The following CNBD1 variants were observed in gnomAD, a reference collection of about 807,000 sequenced individuals.
CNBD1 encodes the protein cyclic nucleotide binding domain containing 1.
Under a neutral mutation model 54.4 loss-of-function variants are expected in CNBD1, and 71 were observed. The observed-to-expected ratio is 1.30, with a 90% CI of 1.08 to 1.59. The LOEUF is 1.59. Ranked by LOEUF, CNBD1 falls within the 40% of genes most tolerant of loss-of-function variation. The pLI is 0.00. For missense variants in CNBD1, 659 were observed against 518.0 expected, an observed-to-expected ratio of 1.27 and a Z score of -2.64; for synonymous variants, 182 against 170.7, an observed-to-expected ratio of 1.07 and a Z score of -0.51.
At chr8:87,284,351 TATA>T (rs1808652043) in intron 6 of CNBD1, among the ~76,000 whole-genome samples, 1 of 152,136 alleles carries the variant, frequency 6.6e-6, no homozygotes, top group Non-Finnish European at 1.5e-5. Context: ...GAAGATCATA[TATA>T]TAAGTGTACA....
intron 4 of CNBD1, among the ~76,000 whole-genome samples, chr8:87,025,921 G>T (rs1809635279): frequency 6.6e-6 from 1 of 152,168 alleles, no homozygotes; most frequent in Admixed American, 6.5e-5. Context: ...TGAGGATGGA[G>T]GAAAGGGAAA....
intron 4 of CNBD1, among the ~76,000 whole-genome samples, chr8:87,108,912 C>T (rs1406838120): frequency 2.6e-5 from 4 of 152,054 alleles, no homozygotes; most frequent in Non-Finnish European, 4.4e-5. Flanking sequence ...TCTACTAGAA[C>T]AAAATGTAGT....
intron 10 of CNBD1, among the ~76,000 whole-genome samples, chr8:87,375,565 C>T (rs1463981104): frequency 6.6e-6 from 1 of 151,774 alleles, no homozygotes; most frequent in East Asian, 1.9e-4. Context: ...TTAGGTATCA[C>T]ACAGATTCTA....
At chr8:86,965,251 A>T (rs906851535) in intron 4 of CNBD1, among the ~76,000 whole-genome samples, 2 of 152,178 alleles carry the variant, frequency 1.3e-5, no homozygotes, top group African/African-American at 4.8e-5. Flanking sequence ...AATAGGAAAG[A>T]CTAAGGTCCT....
intron 3 of CNBD1, among the ~76,000 whole-genome samples, chr8:86,909,504 A>C (rs1029916861): frequency 4.6e-5 from 7 of 152,100 alleles, no homozygotes; most frequent in African/African-American, 1.7e-4. Context: ...CACTTGAAAA[A>C]TTCCTAAATA....
At chr8:86,902,998 A>C (rs963972566) in intron 2 of CNBD1, among the ~76,000 whole-genome samples, 5 of 152,158 alleles carry the variant, frequency 3.3e-5, no homozygotes, top group Admixed American at 6.5e-5. Flanking sequence ...AGAAGTAGGA[A>C]TATGTTCCAC....
At chr8:87,334,454 T>C (rs1480006242) in intron 8 of CNBD1, among the ~76,000 whole-genome samples, 2 of 152,116 alleles carry the variant, frequency 1.3e-5, no homozygotes, top group Admixed American at 6.5e-5. Context: ...TCTCTAGTTC[T>C]TTTCATTATG....
chr8:87,386,227 C>A (rs1811184430), downstream of CNBD1, among the ~76,000 whole-genome samples: 1 of 152,130 alleles, frequency 6.6e-6, no homozygotes, highest in Non-Finnish European at 1.5e-5. Flanking sequence ...CAAAGGAATG[C>A]AGCTCCTCAC....
intron 8 of CNBD1, among the ~76,000 whole-genome samples, chr8:87,304,387 C>G (rs1364637532): frequency 6.6e-6 from 1 of 151,196 alleles, no homozygotes. Context: ...ATCACAAGGA[C>G]AAAAAACCAA....
intron 4 of CNBD1, among the ~76,000 whole-genome samples, chr8:87,110,543 G>C (rs923868825): frequency 1.3e-5 from 2 of 152,162 alleles, no homozygotes; most frequent in Admixed American, 6.5e-5. Context: ...CATTGGAGGA[G>C]TTGTCTCAGC....
chr8:87,323,728 A>T (rs201614657), intron 8 of CNBD1, among the ~76,000 whole-genome samples: 1 of 131,668 alleles, frequency 7.6e-6, no homozygotes. Context: ...TTTCTAGATA[A>T]ACAATCATGT....
At chr8:87,159,181 CAG>C (rs1795044746) in intron 4 of CNBD1, among the ~76,000 whole-genome samples, 1 of 152,086 alleles carries the variant, frequency 6.6e-6, no homozygotes, top group Admixed American at 6.6e-5. Context: ...CAAATCAGTG[CAG>C]AGTCAGTTTC....
chr8:87,226,897 G>T (rs1441229456), intron 5 of CNBD1, among the ~76,000 whole-genome samples: 1 of 151,274 alleles, frequency 6.6e-6, no homozygotes, highest in Non-Finnish European at 1.5e-5. Flanking sequence ...AGGTCACTCA[G>T]AACTTGCTTT....
At chr8:87,409,903 G>T (rs890507706) in intron 2 of CNBD1, among the ~76,000 whole-genome samples, 1 of 151,858 alleles carries the variant, frequency 6.6e-6, no homozygotes, top group African/African-American at 2.4e-5. Context: ...TGTACCTGTA[G>T]TCCCAGCTAC....
chr8:87,363,457 C>G (rs181333091), intron 10 of CNBD1, among the ~76,000 whole-genome samples: 1 of 152,192 alleles, frequency 6.6e-6, no homozygotes, highest in East Asian at 1.9e-4. Flanking sequence ...AATTTAGACT[C>G]CCACCAACAG....
intron 5 of CNBD1, among the ~76,000 whole-genome samples, chr8:87,224,646 C>A (rs914565811): frequency 7.2e-5 from 11 of 151,790 alleles, no homozygotes; most frequent in Admixed American, 5.2e-4. Flanking sequence ...GTTACTGTAG[C>A]CTTGTAGTAT....
At chr8:87,422,633 A>G (rs1413765202) in intron 2 of CNBD1, among the ~76,000 whole-genome samples, 1 of 152,190 alleles carries the variant, frequency 6.6e-6, no homozygotes, top group East Asian at 1.9e-4. Flanking sequence ...ATTGATCTAT[A>G]GCTCTGTTTA....
intron 4 of CNBD1, among the ~76,000 whole-genome samples, chr8:86,941,463 ACT>A (rs1359690657): frequency 6.6e-6 from 1 of 152,106 alleles, no homozygotes; most frequent in Non-Finnish European, 1.5e-5. Context: ...CCCATGAATC[ACT>A]CTGCTGATTT....
chr8:87,014,676 A>C (rs1212903974), intron 4 of CNBD1, among the ~76,000 whole-genome samples: 2 of 152,114 alleles, frequency 1.3e-5, no homozygotes. Context: ...TATTTGATAT[A>C]AGTATCTGGG....
Sources: gnomAD v4.1 joint callset for allele counts (sites outside exome capture counted in the v4.1 genomes callset) on GRCh38, gnomAD v4.1.1 for gene constraint, MANE v1.5 for transcripts, NCBI Gene and HGNC (gene_info 2026-07-23, HGNC 2026-07-21) for gene names.